STUM: variants seen among roughly 807,000 people sequenced by gnomAD.
The protein encoded by STUM is protein stum homolog.
In STUM, 8 loss-of-function variants were observed where a neutral mutation model predicts 15.3. That is an observed-to-expected ratio of 0.52 (90% confidence interval 0.31 to 0.94). STUM has a LOEUF of 0.94. Ranked by LOEUF, STUM falls within the 40% of genes least tolerant of loss-of-function variation. STUM has a pLI of 0.05. For synonymous variants in STUM, 78 were observed against 88.7 expected, an observed-to-expected ratio of 0.88 and a Z score of 0.68; for missense variants, 142 against 204.9, an observed-to-expected ratio of 0.69 and a Z score of 1.87.
At chr1:226,555,386 G>A (rs903817836) in intron 1 of STUM, among the ~76,000 whole-genome samples, 2 of 152,072 alleles carry the variant, frequency 1.3e-5, no homozygotes, top group African/African-American at 4.8e-5. Context: ...TAGACATAAC[G>A]CATCCAAAAC....
chr1:226,572,846 G>T lies in STUM; in HGVS notation c.202+23740G>T, dbSNP rs527598527. On this transcript the variant is annotated intron_variant, in intron 1 of 3. Transcript: ENST00000366788. ...GCTCATGAAAAGTTAGAGCTGGAAG[G>T]GTCCTTGAGGAACACACAGTCCAAG... Among the ~76,000 whole-genome samples the T allele has an allele frequency of 2.0e-5, 3 of 152,298 alleles. No homozygotes were observed. The East Asian group carries it at 5.8e-4, about 29-fold the overall frequency.
At chr1:226,577,800 T>A (rs1180089984) in intron 1 of STUM, among the ~76,000 whole-genome samples, 1 of 150,578 alleles carries the variant, frequency 6.6e-6, no homozygotes, top group Admixed American at 6.6e-5. Context: ...ACAAATGGGT[T>A]GTTCTGTGGG....
chr1:226,550,859 GA>G (rs1397847588), intron 1 of STUM, among the ~76,000 whole-genome samples: 4 of 152,270 alleles, frequency 2.6e-5, no homozygotes, highest in South Asian at 2.1e-4. Flanking sequence ...CCATTCCGCT[GA>G]CCCCTGGCTC....
chr1:226,589,602 G>A (rs1668052694), intron 1 of STUM, among the ~76,000 whole-genome samples: 3 of 152,186 alleles, frequency 2.0e-5, no homozygotes, highest in Admixed American at 2.0e-4. Flanking sequence ...GGTAGGACGT[G>A]CAAACCACAT....
Position 226,604,302 on chromosome 1 carries a change from G to A in STUM, c.*2262G>A, listed in dbSNP as rs1262168530. On this transcript the variant is annotated 3_prime_UTR_variant, in exon 4 of 4. Coordinates refer to ENST00000366788, the MANE Select transcript of STUM (RefSeq NM_001003665.4). The surrounding 1 kb of genome is among the most constrained non-coding windows in gnomAD (Gnocchi z 4.7). ...TGGCAGGTGTCACCCTGGGTCCCGT[G>A]TGGGATGGTTTAATACAGGGGTTTG... The A allele has an allele frequency of 6.6e-6, 1 of 151,942 alleles. No homozygotes were observed. Among genetic ancestry groups the A allele is most frequent in the African/African-American group, 2.4e-5 (1 of 41,296 alleles). 9.4% of individuals were successfully genotyped at this position (151,942 alleles called of 1,614,324 possible).
chr1:226,548,821 G>A lies in STUM; in HGVS notation c.-84G>A. On this transcript the variant is annotated 5_prime_UTR_variant, in exon 1 of 4. Coordinates refer to ENST00000366788, the MANE Select transcript of STUM (RefSeq NM_001003665.4). ...GCCTGAGCTCGGCGCGGAGCCCGGAGCCCGCAGCCGACAGTCTCCTGCTCC... is the reference window on the plus strand; with the variant it reads ...GCCTGAGCTCGGCGCGGAGCCCGGAACCCGCAGCCGACAGTCTCCTGCTCC... 8.8e-7 allele frequency: 1 copy of A among 1,131,642 alleles called. No individual in the cohort carries two copies. 70.1% of individuals were successfully genotyped at this position (1,131,642 alleles called of 1,614,324 possible).
At chr1:226,584,925 C>G (rs976618800) in intron 1 of STUM, among the ~76,000 whole-genome samples, 9 of 152,146 alleles carry the variant, frequency 5.9e-5, no homozygotes, top group African/African-American at 2.2e-4. Flanking sequence ...AAAGCCATGG[C>G]AAAACCATTT....
At chr1:226,590,203 A>AACAAGCTT in intron 1 of STUM, among the ~76,000 whole-genome samples, 1 of 151,938 alleles carries the variant, frequency 6.6e-6, no homozygotes, top group Non-Finnish European at 1.5e-5. Context: ...TCAGCAGATA[A>AACAAGCTT]ACAAGCTTAA....
At position 226,602,805 on chromosome 1, in the gene STUM, A is replaced by G. The variant is rs376818978; in HGVS notation, c.*765A>G. 7.9e-5 allele frequency: 12 copies of G among 152,354 alleles called. No homozygotes were observed. The South Asian group carries it at 8.3e-4, about 11-fold the overall frequency. The allele number at this position is 152,354 out of a possible 1,614,324, so 9.4% of individuals were successfully genotyped here. ...ATTAGACTGAAGCAGGAGTGGGCAG[A>G]CTAGCAGGCTTTCACCCAATACTTA... On this transcript the variant is annotated 3_prime_UTR_variant, in exon 4 of 4. Transcript: ENST00000366788.
chr1:226,597,450 C>T (rs1668200631), intron 2 of STUM: 1 of 472,394 alleles, frequency 2.1e-6, no homozygotes. Flanking sequence ...CAATAATTGA[C>T]CTCACCTCTC....
chr1:226,595,347 T>A (rs1223130612), intron 1 of STUM, among the ~76,000 whole-genome samples: 1 of 151,512 alleles, frequency 6.6e-6, no homozygotes, highest in Non-Finnish European at 1.5e-5. Context: ...TGAGAGCGAG[T>A]CTTCCTCTCT....
At chr1:226,556,077 A>G (rs1388980931) in intron 1 of STUM, among the ~76,000 whole-genome samples, 1 of 152,180 alleles carries the variant, frequency 6.6e-6, no homozygotes, top group Non-Finnish European at 1.5e-5. Flanking sequence ...CTCAATTTGG[A>G]CCTGTCCCAT....
intron 2 of STUM, 134 bp downstream of exon 2, chr1:226,597,115 T>C (rs1668194943): frequency 2.3e-6 from 2 of 857,304 alleles, no homozygotes; most frequent in Non-Finnish European, 1.9e-6. Context: ...CTTGCCCGTG[T>C]CCTCTTCACA....
At chr1:226,558,194 T>C (rs900208732) in intron 1 of STUM, among the ~76,000 whole-genome samples, 6 of 152,346 alleles carry the variant, frequency 3.9e-5, no homozygotes, top group Admixed American at 2.6e-4. Flanking sequence ...AGTGAAATTG[T>C]CATTGCTGAT....
intron 1 of STUM, among the ~76,000 whole-genome samples, chr1:226,553,439 GC>G (rs1393079934): frequency 6.6e-6 from 1 of 152,212 alleles, no homozygotes; most frequent in Non-Finnish European, 1.5e-5. Flanking sequence ...GAAGCAGCTT[GC>G]CCAATCAGGT....
chr1:226,556,191 G>A (rs989903851), intron 1 of STUM, among the ~76,000 whole-genome samples: 4 of 152,194 alleles, frequency 2.6e-5, no homozygotes, highest in Non-Finnish European at 5.9e-5. Context: ...CGATGATACA[G>A]AGGAAGTTTG....
chr1:226,573,044 G>C (rs1331498639), intron 1 of STUM, among the ~76,000 whole-genome samples: 2 of 152,206 alleles, frequency 1.3e-5, no homozygotes. Flanking sequence ...GCCTGCCGCA[G>C]GTTTGGGGTT....
chr1:226,578,719 C>A (rs1423505213), intron 1 of STUM, among the ~76,000 whole-genome samples: 1 of 152,042 alleles, frequency 6.6e-6, no homozygotes, highest in Non-Finnish European at 1.5e-5. Flanking sequence ...CGGTGAAGGC[C>A]AAGTTTAAAG....
chr1:226,595,964 G>C (rs1011046570), intron 1 of STUM, among the ~76,000 whole-genome samples: 1 of 152,194 alleles, frequency 6.6e-6, no homozygotes, highest in African/African-American at 2.4e-5. Flanking sequence ...TGACGCTGTA[G>C]GGAACTATGA....
Sources: gnomAD v4.1 joint callset for allele counts (sites outside exome capture counted in the v4.1 genomes callset) on GRCh38, gnomAD v4.1.1 for gene constraint, Gnocchi (gnomAD v3.1) non-coding constraint, MANE v1.5 for transcripts, NCBI Gene and HGNC (gene_info 2026-07-23, HGNC 2026-07-21) for gene names.